DLG2: variants seen among roughly 807,000 people sequenced by gnomAD.
The protein encoded by DLG2 is disks large homolog 2.
DLG2 carries 45 observed loss-of-function variants against 132.5 expected under a neutral mutation model. The ratio of observed to expected loss-of-function variants is 0.34; its 90% CI spans 0.27 to 0.44. DLG2 has a LOEUF of 0.44. Ranked by LOEUF, DLG2 falls within the 20% of genes least tolerant of loss-of-function variation. The probability of loss-of-function intolerance (pLI) is 1.00; values close to 1 mark genes in which losing one functional copy is unlikely to be tolerated. For synonymous variants in DLG2, 424 were observed against 419.6 expected (o/e 1.01, Z -0.13); for missense variants, 1,045 against 1,196.9 (o/e 0.87, Z 1.87).
chr11:84,951,975 GATTTAGAA>G (rs373549518), intron 6 of DLG2, among the ~76,000 whole-genome samples: 227 of 152,212 alleles, frequency 1.5e-3, no homozygotes, highest in African/African-American at 5.3e-3. Context: ...TGAATATGTG[GATTTAGAA>G]ACTGCATAAT....
At chr11:84,079,379 G>C (rs1295282535) in intron 10 of DLG2, among the ~76,000 whole-genome samples, 1 of 152,016 alleles carries the variant, frequency 6.6e-6, no homozygotes, top group Non-Finnish European at 1.5e-5. Flanking sequence ...TGCCTCCTGG[G>C]TTCCAGCAAT....
intron 6 of DLG2, among the ~76,000 whole-genome samples, chr11:84,711,031 T>TATAG (rs200669410): frequency 6.0e-4 from 75 of 124,796 alleles, no homozygotes; most frequent in Non-Finnish European, 8.0e-4. Flanking sequence ...TATATATATA[T>TATAG]AGAGCTGAAA....
chr11:85,425,750 G>A (rs1365733158), intron 3 of DLG2, among the ~76,000 whole-genome samples: 1 of 152,192 alleles, frequency 6.6e-6, no homozygotes, highest in Admixed American at 6.5e-5. Context: ...TCCAACTGAG[G>A]TACCAGGTTC....
intron 5 of DLG2, among the ~76,000 whole-genome samples, chr11:85,150,222 G>A (rs772258168): frequency 1.5e-4 from 22 of 151,716 alleles, no homozygotes; most frequent in African/African-American, 2.2e-4. Flanking sequence ...GGGTTTCACC[G>A]TGTTAGCCAG....
intron 18 of DLG2, among the ~76,000 whole-genome samples, chr11:83,758,719 T>TA (rs930942767): frequency 8.5e-5 from 13 of 152,260 alleles, no homozygotes; most frequent in Middle Eastern, 3.4e-3. Flanking sequence ...AGTAAGGAGT[T>TA]AAAAAAAGTA....
chr11:84,939,036 A>G (rs1224118591), intron 6 of DLG2, among the ~76,000 whole-genome samples: 2 of 152,186 alleles, frequency 1.3e-5, no homozygotes, highest in Non-Finnish European at 2.9e-5. Flanking sequence ...AGAAAGATAA[A>G]TACATAAGAT....
intron 11 of DLG2, among the ~76,000 whole-genome samples, chr11:84,006,351 C>T (rs1020768796): frequency 3.3e-5 from 5 of 151,356 alleles, no homozygotes; most frequent in South Asian, 4.1e-4. Context: ...TTAGATGAAA[C>T]GTATAAGTTC....
At chr11:85,041,324 C>T (rs2061846257) in intron 6 of DLG2, among the ~76,000 whole-genome samples, 1 of 151,876 alleles carries the variant, frequency 6.6e-6, no homozygotes, top group Non-Finnish European at 1.5e-5. Flanking sequence ...AAATAAGTGC[C>T]TCTTTATTGC....
intron 6 of DLG2, among the ~76,000 whole-genome samples, chr11:84,843,086 T>C (rs955821344): frequency 2.0e-5 from 3 of 152,026 alleles, no homozygotes; most frequent in African/African-American, 7.2e-5. Context: ...GTTAACCATA[T>C]AGTATTGTGC....
chr11:85,272,327 T>C (rs2077587105), intron 4 of DLG2, among the ~76,000 whole-genome samples: 1 of 152,174 alleles, frequency 6.6e-6, no homozygotes, highest in Non-Finnish European at 1.5e-5. Flanking sequence ...CAGTCTCAGA[T>C]ATGTCTTTAT....
chr11:83,685,826 G>T (rs535851372), intron 18 of DLG2, among the ~76,000 whole-genome samples: 31 of 151,980 alleles, frequency 2.0e-4, no homozygotes, highest in African/African-American at 7.2e-4. Context: ...TAAACTCTTG[G>T]TTTCCTCTCC....
intron 6 of DLG2, among the ~76,000 whole-genome samples, chr11:84,996,308 CTTT>C (rs1177299633): frequency 2.6e-5 from 4 of 152,046 alleles, no homozygotes; most frequent in African/African-American, 9.7e-5. Context: ...GATTTTTCCT[CTTT>C]TTTCCTCTCT....
chr11:85,508,448 A>T (rs992308411), intron 3 of DLG2, among the ~76,000 whole-genome samples: 1 of 152,026 alleles, frequency 6.6e-6, no homozygotes, highest in African/African-American at 2.4e-5. Flanking sequence ...TTTATTAGAA[A>T]TGCCTTTCCT....
intron 6 of DLG2, among the ~76,000 whole-genome samples, chr11:84,586,720 A>T (rs546249442): frequency 6.6e-6 from 1 of 152,146 alleles, no homozygotes; most frequent in South Asian, 2.1e-4. Flanking sequence ...AATTTTTTAT[A>T]TATTACATTT....
intron 3 of DLG2, among the ~76,000 whole-genome samples, chr11:85,513,359 AAT>A (rs780562227): frequency 1.6e-4 from 24 of 152,150 alleles, no homozygotes; most frequent in Middle Eastern, 3.4e-3. Context: ...AAAAATTAAA[AAT>A]AGAGTTTTTA....
At chr11:84,574,284 A>C (rs187742772) in intron 6 of DLG2, among the ~76,000 whole-genome samples, 1 of 152,154 alleles carries the variant, frequency 6.6e-6, no homozygotes, top group Non-Finnish European at 1.5e-5. Flanking sequence ...TATCTTGAAA[A>C]TAAGATATTA....
chr11:85,304,340 A>C (rs1308754543), intron 3 of DLG2, among the ~76,000 whole-genome samples: 1 of 152,202 alleles, frequency 6.6e-6, no homozygotes, highest in Non-Finnish European at 1.5e-5. Flanking sequence ...GATTGGGTAG[A>C]AACTTCAGAA....
At chr11:83,825,001 A>C (rs887011235) in intron 17 of DLG2, among the ~76,000 whole-genome samples, 1 of 151,438 alleles carries the variant, frequency 6.6e-6, no homozygotes, top group African/African-American at 2.4e-5. Flanking sequence ...TTCCCTACAC[A>C]GTTTGCTGAG....
chr11:84,500,043 C>T (rs1026733416), intron 7 of DLG2, among the ~76,000 whole-genome samples: 1 of 151,756 alleles, frequency 6.6e-6, no homozygotes, highest in Non-Finnish European at 1.5e-5. Context: ...AAAAAATAGA[C>T]AAGATCCATG....
Sources: gnomAD v4.1 joint callset for allele counts (sites outside exome capture counted in the v4.1 genomes callset) on GRCh38, gnomAD v4.1.1 for gene constraint, MANE v1.5 for transcripts, NCBI Gene and HGNC (gene_info 2026-07-23, HGNC 2026-07-21) for gene names.